FUT8: variants seen among roughly 807,000 people sequenced by gnomAD.
The protein encoded by FUT8 is fucosyltransferase 8, also known as alpha-(1,6)-fucosyltransferase.
In FUT8, 29 loss-of-function variants were observed where a neutral mutation model predicts 71.3. The ratio of observed to expected loss-of-function variants is 0.41; its 90% CI spans 0.30 to 0.55. The LOEUF is 0.55. Ranked by LOEUF, FUT8 falls within the 20% of genes least tolerant of loss-of-function variation. FUT8 has a pLI of 0.34. For missense variants in FUT8, 544 were observed against 702.1 expected (o/e 0.77, Z 2.55); for synonymous variants, 254 against 239.3 (o/e 1.06, Z -0.57).
chr14:65,451,684 C>G (rs1351572779), intron 1 of FUT8, among the ~76,000 whole-genome samples: 1 of 152,156 alleles, frequency 6.6e-6, no homozygotes, highest in African/African-American at 2.4e-5. Context: ...GAAAGGGACT[C>G]TCAGTGGAAA....
At chr14:65,696,978 G>A (rs1894028467) in intron 7 of FUT8, among the ~76,000 whole-genome samples, 1 of 151,926 alleles carries the variant, frequency 6.6e-6, no homozygotes, top group East Asian at 1.9e-4. Context: ...TTATTATTAG[G>A]TTTTTAGCCT....
rs189436814 is a variant in FUT8, at chr14:65,437,247, C to T, written c.-325-18374C>T. 2.2e-3 allele frequency among the ~76,000 whole-genome samples: 337 copies of T among 152,130 alleles called. 1 individual carries two copies. Among genetic ancestry groups the T allele is most frequent in the Non-Finnish European group, 3.6e-3 (246 of 67,984 alleles). ...GCCACAGCTTTTTATCAAACAAAAG[C>T]TTAGGGTATCAGCAAAGCAGAAAGA... On this transcript the variant is annotated intron_variant, in intron 1 of 10. Coordinates refer to ENST00000673929, the MANE Select transcript of FUT8 (RefSeq NM_001371533.1).
At chr14:65,737,766 A>G (rs1175269309) in intron 10 of FUT8, among the ~76,000 whole-genome samples, 1 of 152,098 alleles carries the variant, frequency 6.6e-6, no homozygotes, top group Non-Finnish European at 1.5e-5. Flanking sequence ...TCATAATACA[A>G]AATCCTTTTT....
chr14:65,519,826 T>A (rs1023166379), intron 2 of FUT8, among the ~76,000 whole-genome samples: 1 of 152,186 alleles, frequency 6.6e-6, no homozygotes, highest in Non-Finnish European at 1.5e-5. Context: ...TCACTGAGGC[T>A]GGAGTGCAGT....
At chr14:65,585,281 G>C (rs1887320729) in intron 3 of FUT8, among the ~76,000 whole-genome samples, 1 of 152,090 alleles carries the variant, frequency 6.6e-6, no homozygotes, top group African/African-American at 2.4e-5. Context: ...CAGCCTCCTG[G>C]GCTCAAGTGC....
intron 2 of FUT8, among the ~76,000 whole-genome samples, chr14:65,542,350 CCAT>C (rs916885027): frequency 6.6e-6 from 1 of 152,144 alleles, no homozygotes; most frequent in African/African-American, 2.4e-5. Context: ...AGATCTTATA[CCAT>C]CATCCAACAT....
At chr14:65,410,589 T>C (rs2065111973), upstream of FUT8, 1 of 151,664 alleles carries the variant, frequency 6.6e-6, no homozygotes, top group African/African-American at 2.4e-5. Flanking sequence ...TTTTTTTTTT[T>C]TTTTTCAGTT....
At position 65,607,403 on chromosome 14, in the gene FUT8, A is replaced by G. The variant is rs1191436788; in HGVS notation, c.204-8575A>G. On this transcript the variant is annotated intron_variant, in intron 3 of 10. Transcript: ENST00000673929. This position sits in a 1 kb window ranked among gnomAD's most constrained non-coding sequence, Gnocchi z 4.1. ...TTTCTTGTTAAGGTGTTTATAATGAATAAGTATTAAATTTTATCTAATGAT... is the reference window on the plus strand; with the variant it reads ...TTTCTTGTTAAGGTGTTTATAATGAGTAAGTATTAAATTTTATCTAATGAT... 6.6e-6 allele frequency among the ~76,000 whole-genome samples: 1 copy of G among 151,928 alleles called. No individual in the cohort carries two copies. The highest frequency in any genetic ancestry group is 1.5e-5 in the Non-Finnish European group (1 of 67,930).
chr14:65,464,874 T>G (rs981116846), intron 2 of FUT8, among the ~76,000 whole-genome samples: 1 of 152,240 alleles, frequency 6.6e-6, no homozygotes, highest in Non-Finnish European at 1.5e-5. Flanking sequence ...CTCACTCTGC[T>G]TCTACAGATT....
Position 65,607,890 on chromosome 14 carries a change from C to A in FUT8, c.204-8088C>A, listed in dbSNP as rs1382516144. Among the ~76,000 whole-genome samples, 1 of 151,598 alleles carries A rather than the reference C, an allele frequency of 6.6e-6. No homozygotes were observed. Among genetic ancestry groups the A allele is most frequent in the Non-Finnish European group, 1.5e-5 (1 of 67,838 alleles). On this transcript the variant is annotated intron_variant, in intron 3 of 10. Transcript: ENST00000673929. The surrounding 1 kb of genome is among the most constrained non-coding windows in gnomAD (Gnocchi z 4.1). ...CATTACTGGCCAACATGGTGAAACC[C>A]CGTCTCTACGAAAAATACAAAAAAA...
At position 65,683,035 on chromosome 14, in the gene FUT8, C is replaced by T. The variant is rs779822137; in HGVS notation, c.835+13555C>T. ...GCAATTTTTTTTTTTTTTTTTGATA[C>T]GGAGTTTTACTCTTGTCACCTAGGC... On this transcript the variant is annotated intron_variant, in intron 7 of 10. Coordinates refer to ENST00000673929, the MANE Select transcript of FUT8 (RefSeq NM_001371533.1). Among the ~76,000 whole-genome samples the T allele has an allele frequency of 8.4e-4, 119 of 141,284 alleles. 2 individuals carry two copies. The highest frequency in any genetic ancestry group is 8.3e-4 in the East Asian group (4 of 4,840). The allele number at this position is 141,284 out of a possible 152,430, so 92.7% of individuals were successfully genotyped here.
At chr14:65,374,120 A>T in the FUT8 span, among the ~76,000 whole-genome samples, 1 of 152,126 alleles carries the variant, frequency 6.6e-6, no homozygotes, top group Admixed American at 6.6e-5. Context: ...TTTAGGTTTC[A>T]GCTTTCTCTT....
At chr14:65,629,884 A>C (rs1890097660) in intron 6 of FUT8, among the ~76,000 whole-genome samples, 1 of 151,904 alleles carries the variant, frequency 6.6e-6, no homozygotes, top group South Asian at 2.1e-4. Context: ...AACATCTTAC[A>C]TTTTATAGGA....
chr14:65,631,838 T>C (rs1890196653), intron 6 of FUT8, among the ~76,000 whole-genome samples: 1 of 152,180 alleles, frequency 6.6e-6, no homozygotes, highest in Non-Finnish European at 1.5e-5. Context: ...TAGTCTTTCA[T>C]CGCTCGCTCC....
intron 7 of FUT8, among the ~76,000 whole-genome samples, chr14:65,712,128 T>A (rs74908071): frequency 0.031 from 4,776 of 152,316 alleles, 260 homozygotes; most frequent in African/African-American, 0.11. Flanking sequence ...TTTTTTGTTA[T>A]CAAAAATTTA....
At chr14:65,559,887 T>C (rs954538474) in intron 2 of FUT8, among the ~76,000 whole-genome samples, 1 of 152,194 alleles carries the variant, frequency 6.6e-6, no homozygotes, top group Non-Finnish European at 1.5e-5. Flanking sequence ...GAATAGTTAT[T>C]AAAACAACAG....
chr14:65,740,579 G>T (rs1296010041), intron 10 of FUT8, among the ~76,000 whole-genome samples: 1 of 152,014 alleles, frequency 6.6e-6, no homozygotes. Context: ...TATACAGGAA[G>T]CATGATGCTG....
intron 1 of FUT8, among the ~76,000 whole-genome samples, chr14:65,448,341 C>T (rs8014558): frequency 6.6e-6 from 1 of 152,128 alleles, no homozygotes; most frequent in African/African-American, 2.4e-5. Flanking sequence ...GCAATGGAGC[C>T]ACCATCAAAC....
chr14:65,512,698 C>A (rs1257282767), intron 2 of FUT8, among the ~76,000 whole-genome samples: 1 of 151,844 alleles, frequency 6.6e-6, no homozygotes, highest in African/African-American at 2.4e-5. Flanking sequence ...ATCATGAGGT[C>A]AAGAGTTCAA....
Sources: gnomAD v4.1 joint callset for allele counts (sites outside exome capture counted in the v4.1 genomes callset) on GRCh38, gnomAD v4.1.1 for gene constraint, Gnocchi (gnomAD v3.1) non-coding constraint, MANE v1.5 for transcripts, NCBI Gene and HGNC (gene_info 2026-07-23, HGNC 2026-07-21) for gene names.